ERGIC3: variants seen among roughly 807,000 people sequenced by gnomAD.
The protein encoded by ERGIC3 is ERGIC and golgi 3.
ERGIC3 carries 33 observed loss-of-function variants against 54.7 expected under a neutral mutation model. The ratio of observed to expected loss-of-function variants is 0.60; its 90% confidence interval spans 0.46 to 0.81. The LOEUF is 0.81. Among genes scored for constraint, ERGIC3 ranks in the 30% least tolerant of loss-of-function variants. The pLI is 0.00. For missense variants in ERGIC3, 399 were observed against 488.4 expected, an observed-to-expected ratio of 0.82 and a Z score of 1.73; for synonymous variants, 186 against 189.8, an observed-to-expected ratio of 0.98 and a Z score of 0.16.
intron 10 of ERGIC3, 120 bp from the exon 11 acceptor site, chr20:35,556,853 G>A (rs751750366): frequency 7.1e-7 from 1 of 1,406,098 alleles, no homozygotes; most frequent in South Asian, 1.2e-5. Context: ...GCACGGTGCT[G>A]TGTTCTCTCC....
chr20:35,555,035 C>T lies in ERGIC3; in HGVS notation c.686-9C>T. ...CGCCTTCTCCCTTGCCTTCTCCCTT[C>T]TCTCCTAGTCCATGACTTGCAGAGC... On this transcript the variant is annotated splice_polypyrimidine_tract_variant and intron_variant, in intron 7 of 12. Coordinates refer to ENST00000348547, the MANE Select transcript of ERGIC3 (RefSeq NM_015966.3). 1 of 1,613,622 alleles carries T rather than the reference C, an allele frequency of 6.2e-7. No homozygotes were observed. Among genetic ancestry groups the T allele is most frequent in the Non-Finnish European group, 8.5e-7 (1 of 1,179,952 alleles).
chr20:35,547,262 G>C, intron 4 of ERGIC3, 150 bp from the exon 5 acceptor site: 1 of 621,310 alleles, frequency 1.6e-6, no homozygotes, highest in East Asian at 2.8e-5. Context: ...GTGTGTAGAA[G>C]TGCTTAATGC....
Position 35,542,894 on chromosome 20 carries a change from G to T in ERGIC3, c.320G>T (p.Arg107Leu). 6.2e-7 allele frequency: 1 copy of T among 1,614,054 alleles called. No individual in the cohort carries two copies. The highest frequency in any genetic ancestry group is 1.1e-5 in the South Asian group (1 of 91,010). ...LDVEHNLFKQ[R>L]LDKDGIPVSS... is the part of the protein sequence containing the mutation. ...GTGGAACACAACCTGTTCAAGCAAC[G>T]ACTAGATAAAGATGGCATCCCCGTG... is the stretch of plus-strand genomic sequence containing the variant. The change falls in exon 4 of 13, where the codon CGA becomes CTA. Residue 107 changes from arginine (R) to leucine (L), a missense_variant. Arg to Leu is a moderately radical substitution (Grantham distance 102). Coordinates refer to ENST00000348547, the MANE Select transcript of ERGIC3 (RefSeq NM_015966.3).
In ERGIC3 at chr20:35,547,503, C is replaced by A; in HGVS notation, c.459C>A (p.Ile153=). 1 of 1,613,880 alleles carries A rather than the reference C, an allele frequency of 6.2e-7. No homozygotes were observed. Among genetic ancestry groups the A allele is most frequent in the South Asian group, 1.1e-5 (1 of 91,064 alleles). Reference sequence around the variant, plus strand: ...GCTATGGTGCTGAGGCAGAAGATATCAAGTGAGCTGGCGGGGAGCGGGAGC... The same window carrying A: ...GCTATGGTGCTGAGGCAGAAGATATAAAGTGAGCTGGCGGGGAGCGGGAGC... The part of the protein sequence containing the change: ...ESCYGAEAED[I]KCCNTCEDVR... The change falls in exon 5 of 13, where the codon ATC becomes ATA. Residue 153 remains isoleucine (I), a splice_region_variant and synonymous_variant. Transcript: ENST00000348547.
chr20:35,548,725 C>T (rs1285252784), intron 6 of ERGIC3, 51 bp downstream of exon 6: 1 of 1,613,948 alleles, frequency 6.2e-7, no homozygotes, highest in African/African-American at 1.3e-5. Context: ...GGGCAAGCTC[C>T]ACTGGGAACC....
chr20:35,544,707 C>G (rs904948676), intron 4 of ERGIC3: 1 of 167,502 alleles, frequency 6.0e-6, no homozygotes, highest in African/African-American at 2.4e-5. Flanking sequence ...TCTTGTGGCC[C>G]TTGTCAAGGC....
rs752858435 is a variant in ERGIC3, at chr20:35,548,697, G to C, written c.627+23G>C. On this transcript the variant is annotated intron_variant, in intron 6 of 12. Coordinates refer to ENST00000348547, the MANE Select transcript of ERGIC3 (RefSeq NM_015966.3). ...AAGGTATCAGGAGGGATCAAGACAAGATAGGGCCAGCTGGGCTGGGCAAGC... is the reference window on the plus strand; with the variant it reads ...AAGGTATCAGGAGGGATCAAGACAACATAGGGCCAGCTGGGCTGGGCAAGC... 5 of 1,614,220 alleles carry C rather than the reference G, an allele frequency of 3.1e-6. No homozygotes were observed. The South Asian group carries it at 3.3e-5, about 11-fold the overall frequency.
At chr20:35,545,492 G>C (rs1253183048) in intron 4 of ERGIC3, 1 of 152,194 alleles carries the variant, frequency 6.6e-6, no homozygotes, top group Non-Finnish European at 1.5e-5. Context: ...ACTTGAACCA[G>C]AGAGGCAGAG....
intron 8 of ERGIC3, among the ~76,000 whole-genome samples, chr20:35,555,762 A>G (rs1276974835): frequency 2.0e-5 from 3 of 151,480 alleles, no homozygotes; most frequent in African/African-American, 7.3e-5. Context: ...GCAGTGAGCC[A>G]AGATCATGCC....
Position 35,556,249 on chromosome 20 carries a change from T to C in ERGIC3, c.857T>C (p.Val286Ala). ...TACTTTGTGAAGGTGGTGCCCACTG[T>C]GTACATGAAGGTGGACGGAGAGGTG... ...FQYFVKVVPTVYMKVDGEVLR... is the reference protein window; with the variant it reads ...FQYFVKVVPTAYMKVDGEVLR... Residue 286 changes from valine to alanine, a missense_variant, in exon 10 of 13, where the codon GTG (valine) becomes GCG (alanine). Coordinates refer to ENST00000348547, the MANE Select transcript of ERGIC3 (RefSeq NM_015966.3). The C allele has an allele frequency of 6.2e-7, 1 of 1,614,154 alleles. No individual in the cohort carries two copies. Among genetic ancestry groups the C allele is most frequent in the East Asian group, 2.2e-5 (1 of 44,872 alleles).
Position 35,556,140 on chromosome 20 carries a change from G to A in ERGIC3, c.814+11G>A, listed in dbSNP as rs773947283. On this transcript the variant is annotated intron_variant, in intron 9 of 12. Transcript: ENST00000348547. ...TCACTGCGCCCCAAGGTACCAGCCCGGGAGGCAGCCCCCAGCCGCAGAAGG... is the reference window on the plus strand; with the variant it reads ...TCACTGCGCCCCAAGGTACCAGCCCAGGAGGCAGCCCCCAGCCGCAGAAGG... The A allele has an allele frequency of 1.1e-5, 17 of 1,613,992 alleles. 1 individual carries two copies. Among genetic ancestry groups the A allele is most frequent in the East Asian group, 8.9e-5 (4 of 44,888 alleles).
chr20:35,551,553 G>A (rs2064682056), intron 7 of ERGIC3, among the ~76,000 whole-genome samples: 1 of 152,174 alleles, frequency 6.6e-6, no homozygotes, highest in African/African-American at 2.4e-5. Flanking sequence ...GGGACTGGAT[G>A]AAATCACCCT....
intron 4 of ERGIC3, chr20:35,543,932 G>T (rs975801818): frequency 3.0e-6 from 1 of 332,956 alleles, no homozygotes; most frequent in African/African-American, 2.2e-5. Flanking sequence ...GAATTTAGGA[G>T]TGGCTTGTTT....
intron 5 of ERGIC3, 152 bp downstream of exon 5, chr20:35,547,657 AC>A: frequency 1.5e-6 from 1 of 672,066 alleles, no homozygotes. Flanking sequence ...GGTGCAAGCG[AC>A]TGAGGCTTTG....
rs1221682460 is a variant in ERGIC3, at chr20:35,556,043, C to A, written c.728C>A (p.Thr243Asn). 2 of 1,614,030 alleles carry A rather than the reference C, an allele frequency of 1.2e-6. No individual in the cohort carries two copies. Among genetic ancestry groups the A allele is most frequent in the Non-Finnish European group, 1.7e-6 (2 of 1,179,936 alleles). The change falls in exon 9 of 13, where the codon ACC (threonine) becomes AAC (asparagine). Residue 243 changes from threonine to asparagine, a missense_variant. By Grantham distance (65) the Thr-to-Asn change is moderately conservative (BLOSUM62 0). Coordinates refer to ENST00000348547, the MANE Select transcript of ERGIC3 (RefSeq NM_015966.3). Reference protein sequence around the residue: ...QSFGLDNINMTHYIQHLSFGE... With the variant: ...QSFGLDNINMNHYIQHLSFGE... Reference sequence around the variant, plus strand: ...TGGTGTTGTTTACAGATCAACATGACCCACTACATCCAGCACCTGTCATTT... The same window carrying A: ...TGGTGTTGTTTACAGATCAACATGAACCACTACATCCAGCACCTGTCATTT...
At position 35,542,144 on chromosome 20, in the gene ERGIC3, C is replaced by G; in HGVS notation, c.47C>G (p.Thr16Ser). 6.3e-7 allele frequency: 1 copy of G among 1,574,862 alleles called. No homozygotes were observed. The highest frequency in any genetic ancestry group is 8.6e-7 in the Non-Finnish European group (1 of 1,160,370). ...KLKQFDAYPK[T>S]LEDFRVKTCG... The stretch of plus-strand genomic sequence containing the variant: ...AAGCAGTTCGATGCCTACCCCAAGA[C>G]TTTGGAGGACTTCCGGGTCAAGACC... The change falls in exon 1 of 13, where the codon ACT becomes AGT. Residue 16 changes from threonine to serine, a missense_variant. Physicochemically the swap from Thr to Ser is moderately conservative, Grantham distance 58 (BLOSUM62 1). Coordinates refer to ENST00000348547, the MANE Select transcript of ERGIC3 (RefSeq NM_015966.3).
Position 35,542,611 on chromosome 20 carries a change from C to A in ERGIC3, c.247+11C>A. On this transcript the variant is annotated intron_variant, in intron 3 of 12. Coordinates refer to ENST00000348547, the MANE Select transcript of ERGIC3 (RefSeq NM_015966.3). The stretch of plus-strand genomic sequence containing the variant: ...ACATGCCTTGTGCCTGTGAGTACCT[C>A]ACCATGGGTGGGACTGGAGAGACCC... 6.2e-7 allele frequency: 1 copy of A among 1,613,826 alleles called. No homozygotes were observed. The highest frequency in any genetic ancestry group is 8.5e-7 in the Non-Finnish European group (1 of 1,179,858).
At chr20:35,548,736 G>C (rs1312487827) in intron 6 of ERGIC3, 62 bp downstream of exon 6, 1 of 1,613,472 alleles carries the variant, frequency 6.2e-7, no homozygotes, top group East Asian at 2.2e-5. Context: ...ACTGGGAACC[G>C]AGGGCCCAGT....
chr20:35,542,257 A>T, intron 1 of ERGIC3, 66 bp from the exon 2 acceptor site: 1 of 1,612,182 alleles, frequency 6.2e-7, no homozygotes, highest in Non-Finnish European at 8.5e-7. Context: ...CTGGACTCTG[A>T]CTGGCCTGCC....
Sources: gnomAD v4.1 joint callset for allele counts (sites outside exome capture counted in the v4.1 genomes callset) on GRCh38, gnomAD v4.1.1 for gene constraint, MANE v1.5 for transcripts, NCBI Gene and HGNC (gene_info 2026-07-23, HGNC 2026-07-21) for gene names.